LAMA3: variants seen among roughly 807,000 people sequenced by gnomAD.
LAMA3 encodes laminin subunit alpha 3, also known as laminin subunit alpha-3.
Under a neutral mutation model 402.0 loss-of-function variants are expected in LAMA3, and 281 were observed. The ratio of observed to expected loss-of-function variants is 0.70; its 90% CI spans 0.63 to 0.77. LAMA3 has a LOEUF of 0.77. Among genes scored for constraint, LAMA3 ranks in the 30% least tolerant of loss-of-function variants. The pLI is 0.00. For synonymous variants in LAMA3, 1,431 were observed against 1,558.4 expected, an observed-to-expected ratio of 0.92 and a Z score of 1.93; for missense variants, 3,840 against 4,215.5, an observed-to-expected ratio of 0.91 and a Z score of 2.47.
Position 23,833,878 on chromosome 18 carries a change from T to A in LAMA3, c.2874T>A (p.Val958=), listed in dbSNP as rs61751702. The change falls in exon 24 of 75, where the codon GTT becomes GTA. Residue 958 remains valine (V), a synonymous_variant. Coordinates refer to ENST00000313654, the MANE Select transcript of LAMA3 (RefSeq NM_198129.4). ...LRIPQVGHYV[V]VVEYSTEAAQ... Reference sequence around the variant, plus strand: ...TCCCACAGGTTGGCCACTACGTGGTTGTGGTCGAGTATTCCACGGAGGCAG... The same window carrying A: ...TCCCACAGGTTGGCCACTACGTGGTAGTGGTCGAGTATTCCACGGAGGCAG... 1 of 1,614,088 alleles carries A rather than the reference T, an allele frequency of 6.2e-7. No homozygotes were observed. The highest frequency in any genetic ancestry group is 8.5e-7 in the Non-Finnish European group (1 of 1,180,034).
chr18:23,764,344 G>T (rs1393511142), intron 8 of LAMA3, among the ~76,000 whole-genome samples: 1 of 152,156 alleles, frequency 6.6e-6, no homozygotes, highest in Non-Finnish European at 1.5e-5. Flanking sequence ...TTATGTATAA[G>T]TGAGAAATCC....
intron 1 of LAMA3, among the ~76,000 whole-genome samples, chr18:23,704,882 G>A (rs1267938148): frequency 6.6e-6 from 1 of 151,136 alleles, no homozygotes; most frequent in Non-Finnish European, 1.5e-5. Flanking sequence ...CATAAAAAAT[G>A]TTAGGAACTA....
intron 41 of LAMA3, among the ~76,000 whole-genome samples, chr18:23,888,896 A>G (rs959421022): frequency 3.3e-5 from 5 of 151,762 alleles, no homozygotes. Context: ...ATTGTAATTG[A>G]CATCCCAACT....
intron 8 of LAMA3, among the ~76,000 whole-genome samples, chr18:23,772,477 G>A (rs1186083070): frequency 3.9e-5 from 6 of 152,294 alleles, no homozygotes; most frequent in African/African-American, 9.6e-5. Context: ...AATTGACATC[G>A]GATGGGAAGG....
intron 27 of LAMA3, among the ~76,000 whole-genome samples, 193 bp from the exon 28 acceptor site, chr18:23,842,202 T>TAACAAC (rs780072259): frequency 1.3e-5 from 2 of 152,198 alleles, no homozygotes; most frequent in African/African-American, 4.8e-5. Context: ...GTTTTTGTGA[T>TAACAAC]AACAACAACA....
At chr18:23,826,649 A>C in intron 21 of LAMA3, 53 bp from the exon 22 acceptor site, 1 of 1,284,016 alleles carries the variant, frequency 7.8e-7, no homozygotes, top group East Asian at 2.5e-5. Flanking sequence ...TTTCTATCCA[A>C]AGTAGGGCTA....
At chr18:23,893,155 T>C (rs73967628) in intron 42 of LAMA3, among the ~76,000 whole-genome samples, 3,552 of 152,266 alleles carry the variant, frequency 0.023, 137 homozygotes, top group African/African-American at 0.082. Context: ...GGAATATTAT[T>C]GGCTGGTGAG....
intron 1 of LAMA3, among the ~76,000 whole-genome samples, chr18:23,697,619 G>A (rs2060707371): frequency 1.3e-5 from 2 of 152,132 alleles, no homozygotes; most frequent in African/African-American, 2.4e-5. Flanking sequence ...TCAAAGAAGT[G>A]CTCATTGGAG....
Position 23,839,912 on chromosome 18 carries a change from A to T in LAMA3, c.3319A>T (p.Thr1107Ser). 1 of 1,614,116 alleles carries T rather than the reference A, an allele frequency of 6.2e-7. No individual in the cohort carries two copies. The highest frequency in any genetic ancestry group is 8.5e-7 in the Non-Finnish European group (1 of 1,180,018). The stretch of plus-strand genomic sequence containing the variant: ...TTCTGTTGATGTTCTTCCTGGGGTC[A>T]CCTTGAAGGCACCGCAGGTAGTGTG... Reference protein sequence around the residue: ...SPSVDVLPGVTLKAPQNQVTL... With the variant: ...SPSVDVLPGVSLKAPQNQVTL... Residue 1107 changes from threonine (T) to serine (S), a missense_variant, in exon 27 of 75, where the codon ACC (threonine) becomes TCC (serine). This residue lies in a region of LAMA3 where 2,109 missense variants were observed against 2,376.0 expected (regional missense o/e 0.89). Transcript: ENST00000313654. This position sits in a 1 kb window ranked among gnomAD's most constrained non-coding sequence, Gnocchi z 4.5.
At chr18:23,872,641 G>A (rs992799337) in intron 38 of LAMA3, among the ~76,000 whole-genome samples, 1 of 151,956 alleles carries the variant, frequency 6.6e-6, no homozygotes. Flanking sequence ...GTAATATTTA[G>A]CCCACAGGTT....
At position 23,842,691 on chromosome 18, in the gene LAMA3, A is replaced by G. The variant is rs1435811476; in HGVS notation, c.3544A>G (p.Ile1182Val). The change falls in exon 29 of 75, where the codon ATC (isoleucine) becomes GTC (valine). Residue 1182 changes from isoleucine to valine, a missense_variant. Physicochemically the swap from Ile to Val is conservative, Grantham distance 29 (BLOSUM62 3). This residue lies in a region of LAMA3 where 2,109 missense variants were observed against 2,376.0 expected (regional missense o/e 0.89). Coordinates refer to ENST00000313654, the MANE Select transcript of LAMA3 (RefSeq NM_198129.4). The stretch of plus-strand genomic sequence containing the variant: ...TGCCGAAGGCCAGATTGAGTTTGAC[A>G]TCTCAGAGCCTGAAGTGGCCGCAAC... ...VIAEGQIEFD[I>V]SEPEVAATVK... 6.8e-6 allele frequency: 11 copies of G among 1,614,056 alleles called. No individual in the cohort carries two copies. In the South Asian group the frequency reaches 1.1e-4, roughly 16 times the overall value.
intron 21 of LAMA3, 69 bp from the exon 22 acceptor site, chr18:23,826,633 G>T: frequency 1.7e-6 from 2 of 1,147,016 alleles, no homozygotes; most frequent in South Asian, 1.3e-5. Context: ...TAGTATGTTT[G>T]ATTATTTTCT....
rs747990087 is a variant in LAMA3, at chr18:23,912,899, A to G, written c.7329+18A>G. ...ATAAAGATGTAAGTATTGCTTGGAC[A>G]TCTCTCTTGTTTTTGAAACAATGTT... On this transcript the variant is annotated intron_variant, in intron 56 of 74. Transcript: ENST00000313654. The G allele has an allele frequency of 6.5e-5, 105 of 1,607,944 alleles. No individual in the cohort carries two copies. The highest frequency in any genetic ancestry group is 1.7e-5 in the Admixed American group (1 of 59,998).
intron 1 of LAMA3, among the ~76,000 whole-genome samples, chr18:23,710,714 TGAAA>T (rs2060975494): frequency 6.6e-6 from 1 of 151,924 alleles, no homozygotes; most frequent in African/African-American, 2.4e-5. Context: ...GTAAAACAAA[TGAAA>T]GAAAGGACAA....
At chr18:23,859,138 C>T (rs963613817) in intron 34 of LAMA3, among the ~76,000 whole-genome samples, 16 of 152,180 alleles carry the variant, frequency 1.1e-4, no homozygotes, top group African/African-American at 3.6e-4. Context: ...GGTGAGTTCG[C>T]TGATACACCC....
intron 1 of LAMA3, among the ~76,000 whole-genome samples, chr18:23,704,397 C>G (rs1402248900): frequency 6.6e-6 from 1 of 152,240 alleles, no homozygotes; most frequent in East Asian, 1.9e-4. Context: ...CAGGCACACA[C>G]GCAGTTCCTG....
rs554718863 is a variant in LAMA3 at position 23,785,144 on chromosome 18, A to G, written c.1603+987A>G. Among the ~76,000 whole-genome samples, 18 of 152,340 alleles carry G rather than the reference A, an allele frequency of 1.2e-4. No individual in the cohort carries two copies. The East Asian group carries it at 3.5e-3, about 29-fold the overall frequency. On this transcript the variant is annotated intron_variant, in intron 12 of 74. Transcript: ENST00000313654. ...GAAGCCAGAGTCAGAGCACAGCTGCATAAATGCTCAGCCAGCTACAGGATG... is the reference window on the plus strand; with the variant it reads ...GAAGCCAGAGTCAGAGCACAGCTGCGTAAATGCTCAGCCAGCTACAGGATG...
intron 49 of LAMA3, among the ~76,000 whole-genome samples, chr18:23,903,635 A>G (rs147079912): frequency 6.6e-6 from 1 of 152,356 alleles, no homozygotes; most frequent in Non-Finnish European, 1.5e-5. Flanking sequence ...TCTAAATCAT[A>G]AAAAAGTTCT....
At chr18:23,711,194 CTATTA>C (rs1350235982) in intron 1 of LAMA3, among the ~76,000 whole-genome samples, 2 of 152,298 alleles carry the variant, frequency 1.3e-5, no homozygotes, top group East Asian at 3.9e-4. Flanking sequence ...ACTTATGTAT[CTATTA>C]TATCAGTCAG....
Sources: allele counts gnomAD v4.1 joint callset (sites outside exome capture counted in the v4.1 genomes callset), GRCh38; gene constraint gnomAD v4.1.1; regional missense constraint gnomAD v4.1.1; non-coding constraint Gnocchi (gnomAD v3.1); transcripts MANE v1.5; gene names NCBI Gene and HGNC (gene_info 2026-07-23, HGNC 2026-07-21).